MRPS9: variants seen among roughly 807,000 people sequenced by gnomAD.
MRPS9 encodes the protein mitochondrial ribosomal protein S9.
MRPS9 carries 45 observed loss-of-function variants against 59.9 expected under a neutral mutation model. The observed-to-expected ratio is 0.75, with a 90% CI of 0.59 to 0.96. MRPS9 has a LOEUF of 0.96. Among genes scored for constraint, MRPS9 ranks in the 40% least tolerant of loss-of-function variants. MRPS9 has a pLI of 0.00. For synonymous variants in MRPS9, 171 were observed against 166.8 expected (o/e 1.03, Z -0.19); for missense variants, 473 against 481.1 (o/e 0.98, Z 0.16).
rs139001781 is a variant in MRPS9 at position 105,092,179 on chromosome 2, A to G, written c.652-222A>G. On this transcript the variant is annotated intron_variant, in intron 7 of 10. Coordinates refer to ENST00000258455, the MANE Select transcript of MRPS9 (RefSeq NM_182640.3). Reference sequence around the variant, plus strand: ...GAAATTGATTTTTCTTTGAATGATAAATCTCTTTGTTTCTTGAAAGAAAAG... The same window carrying G: ...GAAATTGATTTTTCTTTGAATGATAGATCTCTTTGTTTCTTGAAAGAAAAG... 207 of 430,082 alleles carry G rather than the reference A, an allele frequency of 4.8e-4. No individual in the cohort carries two copies. The Middle Eastern group carries it at 9.2e-3, about 19-fold the overall frequency. The allele number at this position is 430,082 out of a possible 1,614,324, so 26.6% of individuals were successfully genotyped here.
intron 4 of MRPS9, among the ~76,000 whole-genome samples, chr2:105,076,198 T>A (rs1680209179): frequency 6.6e-6 from 1 of 152,198 alleles, no homozygotes; most frequent in Non-Finnish European, 1.5e-5. Context: ...GTTCTGAAAA[T>A]TTTAAAAATG....
chr2:105,038,160 G>A lies in MRPS9; in HGVS notation c.68G>A (p.Ser23Asn). ...CGGCTTCTTCTCTGGGGTAGGGGTA[G>A]CCTCGCCCGGAAGCAAGGCCTCTGG... The part of the protein sequence containing the change: ...SYRLLLWGRG[S>N]LARKQGLWKT... Residue 23 changes from serine to asparagine, a missense_variant, in exon 1 of 11, where the codon AGC (serine) becomes AAC (asparagine). Physicochemically the swap from Ser to Asn is conservative, Grantham distance 46 (BLOSUM62 1). Coordinates refer to ENST00000258455, the MANE Select transcript of MRPS9 (RefSeq NM_182640.3). 6.2e-7 allele frequency: 1 copy of A among 1,613,710 alleles called. No homozygotes were observed. The highest frequency in any genetic ancestry group is 1.3e-5 in the African/African-American group (1 of 75,046).
Position 105,081,823 on chromosome 2 carries a change from A to C in MRPS9, c.489+1761A>C, listed in dbSNP as rs1162477003. ...GGGCTTTTATATTTTAGTTCAATGC[A>C]GTAATTTCTAAGTGTATGCCTTATG... On this transcript the variant is annotated intron_variant, in intron 5 of 10. Coordinates refer to ENST00000258455, the MANE Select transcript of MRPS9 (RefSeq NM_182640.3). Among the ~76,000 whole-genome samples the C allele has an allele frequency of 3.9e-5, 6 of 152,210 alleles. No homozygotes were observed. The East Asian group carries it at 1.2e-3, about 29-fold the overall frequency.
At chr2:105,079,697 T>C (rs1344724761) in intron 4 of MRPS9, among the ~76,000 whole-genome samples, 1 of 152,194 alleles carries the variant, frequency 6.6e-6, no homozygotes, top group African/African-American at 2.4e-5. Flanking sequence ...TGGGCTATTT[T>C]ATAAGCTTTT....
intron 7 of MRPS9, chr2:105,092,045 A>C (rs1273255629): frequency 5.8e-6 from 1 of 171,742 alleles, no homozygotes; most frequent in Non-Finnish European, 1.2e-5. Context: ...ATTATTTATA[A>C]AGCTCCCCTT....
intron 2 of MRPS9, among the ~76,000 whole-genome samples, chr2:105,052,153 A>G (rs1679723401): frequency 6.6e-6 from 1 of 152,170 alleles, no homozygotes; most frequent in Non-Finnish European, 1.5e-5. Flanking sequence ...AATGTCTAAC[A>G]ATGTTGAGTA....
chr2:105,098,896 C>G (rs1199663830), intron 10 of MRPS9, among the ~76,000 whole-genome samples: 1 of 152,162 alleles, frequency 6.6e-6, no homozygotes, highest in African/African-American at 2.4e-5. Context: ...AATCTATGGT[C>G]TTTACTAACT....
intron 1 of MRPS9, among the ~76,000 whole-genome samples, chr2:105,044,993 A>C (rs963197260): frequency 1.2e-4 from 18 of 152,198 alleles, no homozygotes; most frequent in Non-Finnish European, 2.9e-5. Context: ...CAATGATATA[A>C]AAAGCTAAAA....
intron 5 of MRPS9, among the ~76,000 whole-genome samples, chr2:105,081,990 C>T (rs1053832940): frequency 1.3e-5 from 2 of 152,168 alleles, no homozygotes; most frequent in African/African-American, 4.8e-5. Context: ...TCATCATTCA[C>T]CCTACAGAAG....
intron 2 of MRPS9, among the ~76,000 whole-genome samples, chr2:105,053,141 A>G (rs1679741312): frequency 6.6e-6 from 1 of 152,218 alleles, no homozygotes; most frequent in Non-Finnish European, 1.5e-5. Context: ...ACAATTTTGT[A>G]ATTTTATCTG....
At chr2:105,082,175 T>C (rs1025744534) in intron 5 of MRPS9, among the ~76,000 whole-genome samples, 1 of 152,220 alleles carries the variant, frequency 6.6e-6, no homozygotes, top group African/African-American at 2.4e-5. Flanking sequence ...AGGTCGCCCC[T>C]GAAGACTGTG....
At chr2:105,075,051 A>C (rs1680181468) in intron 4 of MRPS9, among the ~76,000 whole-genome samples, 1 of 152,156 alleles carries the variant, frequency 6.6e-6, no homozygotes, top group Non-Finnish European at 1.5e-5. Context: ...TGTGGTGTTG[A>C]TGGGAGACAG....
chr2:105,081,130 C>T (rs975932965), intron 5 of MRPS9, among the ~76,000 whole-genome samples: 1 of 152,208 alleles, frequency 6.6e-6, no homozygotes, highest in African/African-American at 2.4e-5. Flanking sequence ...CCTCCAAACG[C>T]CGCCGGTTTG....
At chr2:105,048,243 A>G (rs1472796058) in intron 1 of MRPS9, among the ~76,000 whole-genome samples, 2 of 152,000 alleles carry the variant, frequency 1.3e-5, no homozygotes, top group African/African-American at 4.8e-5. Context: ...TCAGTAAACT[A>G]TTGCAAGGAC....
chr2:105,071,086 A>G (rs1680102964), intron 2 of MRPS9, among the ~76,000 whole-genome samples: 2 of 152,260 alleles, frequency 1.3e-5, no homozygotes, highest in African/African-American at 4.8e-5. Flanking sequence ...AAGGAATGAC[A>G]TGTTTAAAGC....
intron 8 of MRPS9, 46 bp from the exon 9 acceptor site, chr2:105,093,484 G>A (rs572005682): frequency 1.1e-4 from 119 of 1,123,848 alleles, no homozygotes; most frequent in African/African-American, 2.3e-4. Context: ...GTCTCAAAGC[G>A]CAGGTCTTCA....
At chr2:105,061,201 A>G (rs1679894971) in intron 2 of MRPS9, among the ~76,000 whole-genome samples, 1 of 151,898 alleles carries the variant, frequency 6.6e-6, no homozygotes, top group Non-Finnish European at 1.5e-5. Context: ...TCAAGTTACA[A>G]TGCCCTAACA....
chr2:105,058,642 T>G (rs1679836191), intron 2 of MRPS9, among the ~76,000 whole-genome samples: 1 of 152,172 alleles, frequency 6.6e-6, no homozygotes. Context: ...TGGATTCACA[T>G]TAAGTATAGA....
chr2:105,080,864 C>T (rs1680318269), intron 5 of MRPS9, among the ~76,000 whole-genome samples: 1 of 152,058 alleles, frequency 6.6e-6, no homozygotes, highest in African/African-American at 2.4e-5. Context: ...GCTCCACAAA[C>T]CCAAAGGACA....
Sources: gnomAD v4.1 joint callset for allele counts (sites outside exome capture counted in the v4.1 genomes callset) on GRCh38, gnomAD v4.1.1 for gene constraint, MANE v1.5 for transcripts, NCBI Gene and HGNC (gene_info 2026-07-23, HGNC 2026-07-21) for gene names.